The following PCDH10 variants were observed in gnomAD, a reference collection of about 807,000 sequenced individuals.
PCDH10 encodes protocadherin 10, also known as protocadherin-10.
PCDH10 carries 15 observed loss-of-function variants against 74.4 expected under a neutral mutation model. The observed-to-expected ratio is 0.20, with a 90% CI of 0.13 to 0.31. PCDH10 has a LOEUF of 0.31. PCDH10 is among the 10% of genes least tolerant of loss of function. PCDH10 has a pLI of 1.00. For synonymous variants in PCDH10, 619 were observed against 589.8 expected (o/e 1.05, Z -0.72); for missense variants, 1,260 against 1,390.2 (o/e 0.91, Z 1.49).
Position 133,151,414 on chromosome 4 carries a change from C to CG in PCDH10, c.1279dup (p.Asp427GlyfsTer21), listed in dbSNP as rs1726688694. On this transcript the variant is annotated frameshift_variant, in exon 1 of 5. Transcript: ENST00000264360. LOFTEE classifies it high-confidence loss of function. Reference sequence around the variant, plus strand: ...ACCGAAGCCCCCCTGGACCGAGAGGCGGGGGACTCCTACACCCTGACTGTA... The same window carrying CG: ...ACCGAAGCCCCCCTGGACCGAGAGGCGGGGGGACTCCTACACCCTGACTGTA... 1 of 1,614,054 alleles carries CG rather than the reference C, an allele frequency of 6.2e-7. No individual in the cohort carries two copies. The highest frequency in any genetic ancestry group is 8.5e-7 in the Non-Finnish European group (1 of 1,180,014).
At chr4:133,174,673 G>A (rs915024089) in intron 4 of PCDH10, among the ~76,000 whole-genome samples, 3 of 150,984 alleles carry the variant, frequency 2.0e-5, no homozygotes, top group African/African-American at 7.3e-5. Context: ...CAAAATGACT[G>A]GTATTAGACA....
At chr4:133,204,769 A>G (rs1455446976) in intron 2 of PCDH10, among the ~76,000 whole-genome samples, 2 of 152,100 alleles carry the variant, frequency 1.3e-5, no homozygotes, top group Non-Finnish European at 2.9e-5. Context: ...TTGGTGAGGG[A>G]GGGATTCCTG....
At chr4:133,196,404 G>A (rs1727795549), downstream of PCDH10, among the ~76,000 whole-genome samples, 1 of 152,112 alleles carries the variant, frequency 6.6e-6, no homozygotes, top group South Asian at 2.1e-4. Flanking sequence ...CTGGCTGGGG[G>A]CCACAAGACT....
rs1024797798 is a variant in PCDH10 at position 133,191,283 on chromosome 4, G to A, written c.*1123G>A. On this transcript the variant is annotated 3_prime_UTR_variant, in exon 5 of 5. Transcript: ENST00000264360. Reference sequence around the variant, plus strand: ...ACAGAATTTTATTTTACATAGTTTTGTGACTTAATTACACATGAATATAAA... The same window carrying A: ...ACAGAATTTTATTTTACATAGTTTTATGACTTAATTACACATGAATATAAA... The A allele has an allele frequency of 1.3e-5, 2 of 152,002 alleles. No individual in the cohort carries two copies. The highest frequency in any genetic ancestry group is 6.6e-5 in the Admixed American group (1 of 15,174). The allele number at this position is 152,002 out of a possible 1,614,324, so 9.4% of individuals were successfully genotyped here.
At chr4:133,165,157 T>C (rs1727052488) in intron 4 of PCDH10, among the ~76,000 whole-genome samples, 2 of 150,524 alleles carry the variant, frequency 1.3e-5, no homozygotes, top group Admixed American at 6.7e-5. Flanking sequence ...CCCTAATCTG[T>C]TTTAGCCAGT....
rs1727597244 is a variant in PCDH10 at position 133,188,842 on chromosome 4, AT to A, written c.3104-1295del. On this transcript the variant is annotated intron_variant, in intron 4 of 4. Coordinates refer to ENST00000264360, the MANE Select transcript of PCDH10 (RefSeq NM_032961.3). ...GCGCCCACCACCATGCCAGGCTAAT[AT>A]TTTGTACTTTTAGTAGAGACAGGTA... Among the ~76,000 whole-genome samples, 4 of 151,222 alleles carry A rather than the reference AT, an allele frequency of 2.6e-5. No homozygotes were observed. In the Admixed American group the frequency reaches 2.6e-4, roughly 10 times the overall value.
chr4:133,207,081 T>C (rs1728021654), intron 2 of PCDH10, among the ~76,000 whole-genome samples: 1 of 152,128 alleles, frequency 6.6e-6, no homozygotes, highest in African/African-American at 2.4e-5. Context: ...TTACTTTTTT[T>C]GTAATATCAT....
intron 4 of PCDH10, chr4:133,163,807 G>C (rs773309301): frequency 5.5e-5 from 21 of 380,652 alleles, no homozygotes; most frequent in Non-Finnish European, 9.6e-5. Flanking sequence ...TAGAACGAAA[G>C]ATGAGACAGA....
rs937490253 is a variant in PCDH10, at chr4:133,163,050, T to C, written c.2871T>C (p.Ser957=). 88 of 1,614,088 alleles carry C rather than the reference T, an allele frequency of 5.5e-5. No individual in the cohort carries two copies. The highest frequency in any genetic ancestry group is 7.4e-5 in the Non-Finnish European group (87 of 1,180,036). Reference sequence around the variant, plus strand: ...ACTCAGATCGGTGCTGGATGCCTTCTTTTGTCCCTTCTGATGGACGCCAGG... The same window carrying C: ...ACTCAGATCGGTGCTGGATGCCTTCCTTTGTCCCTTCTGATGGACGCCAGG... ...LGHSDRCWMP[S]FVPSDGRQAA... Residue 957 remains serine (S), a synonymous_variant, in exon 4 of 5, where the codon TCT becomes TCC. Coordinates refer to ENST00000264360, the MANE Select transcript of PCDH10 (RefSeq NM_032961.3).
intron 3 of PCDH10, 86 bp from the exon 4 acceptor site, chr4:133,162,891 C>A: frequency 8.7e-7 from 1 of 1,153,622 alleles, no homozygotes; most frequent in Non-Finnish European, 1.2e-6. Context: ...ACTTGTCACC[C>A]TTTATGCTAC....
At chr4:133,178,280 A>C (rs1041368122) in intron 4 of PCDH10, among the ~76,000 whole-genome samples, 1 of 151,580 alleles carries the variant, frequency 6.6e-6, no homozygotes, top group Non-Finnish European at 1.5e-5. Context: ...CTTGTTGCCC[A>C]GGCTAGAGTG....
At chr4:133,198,004 T>TGTGTGTGTGTGA (rs774649175), downstream of PCDH10, among the ~76,000 whole-genome samples, 1,032 of 147,884 alleles carry the variant, frequency 7.0e-3, 11 homozygotes, top group African/African-American at 0.021. Context: ...TGTGTGTGTG[T>TGTGTGTGTGTGA]GTGATTGGGA....
chr4:133,184,064 C>A (rs1195712307), intron 4 of PCDH10, among the ~76,000 whole-genome samples: 1 of 151,926 alleles, frequency 6.6e-6, no homozygotes, highest in Admixed American at 6.6e-5. Flanking sequence ...TAAATACCTG[C>A]CTTTACTATG....
chr4:133,181,429 T>C (rs1267232243), intron 4 of PCDH10, among the ~76,000 whole-genome samples: 1 of 152,124 alleles, frequency 6.6e-6, no homozygotes, highest in African/African-American at 2.4e-5. Flanking sequence ...TGGTAAGTAG[T>C]GTCATCTGTG....
rs1727414824 is a variant in PCDH10 at position 133,181,428 on chromosome 4, G to C, written c.3104-8713G>C. On this transcript the variant is annotated intron_variant, in intron 4 of 4. Coordinates refer to ENST00000264360, the MANE Select transcript of PCDH10 (RefSeq NM_032961.3). Reference sequence around the variant, plus strand: ...ATTTTTTTGACTTTAGTGGTAAGTAGTGTCATCTGTGCTATCATGAAGTAG... The same window carrying C: ...ATTTTTTTGACTTTAGTGGTAAGTACTGTCATCTGTGCTATCATGAAGTAG... 2.6e-5 allele frequency among the ~76,000 whole-genome samples: 4 copies of C among 152,102 alleles called. No individual in the cohort carries two copies. The South Asian group carries it at 8.3e-4, about 32-fold the overall frequency.
At position 133,193,606 on chromosome 4, in the gene PCDH10, A is replaced by C. The variant is rs1727726270; in HGVS notation, c.*3446A>C. The C allele has an allele frequency of 6.6e-6, 1 of 151,698 alleles. No individual in the cohort carries two copies. Among genetic ancestry groups the C allele is most frequent in the Non-Finnish European group, 1.5e-5 (1 of 67,672 alleles). 9.4% of individuals were successfully genotyped at this position (151,698 alleles called of 1,614,324 possible). A position where few individuals can be genotyped will look rare whatever the true frequency, so the allele number is the denominator to read the frequency against. On this transcript the variant is annotated 3_prime_UTR_variant, in exon 5 of 5. Coordinates refer to ENST00000264360, the MANE Select transcript of PCDH10 (RefSeq NM_032961.3). ...TAGTCTTTAAAACAATTACTCAGGC[A>C]GAGTGTGGCAAAAGTTCAGCAAGAT...
chr4:133,158,156 G>A (rs1354614419), intron 3 of PCDH10, among the ~76,000 whole-genome samples: 3 of 152,052 alleles, frequency 2.0e-5, no homozygotes, highest in Admixed American at 6.5e-5. Context: ...CAAAGAATTG[G>A]ACTTTAAAGA....
At chr4:133,196,994 T>G (rs945575964), downstream of PCDH10, among the ~76,000 whole-genome samples, 1 of 152,180 alleles carries the variant, frequency 6.6e-6, no homozygotes, top group Non-Finnish European at 1.5e-5. Flanking sequence ...GCAGTGCAAA[T>G]TTCAAAACCT....
chr4:133,199,545 A>T (rs1727860972), downstream of PCDH10, among the ~76,000 whole-genome samples: 1 of 149,968 alleles, frequency 6.7e-6, no homozygotes, highest in African/African-American at 2.4e-5. Flanking sequence ...TCAGCTGATG[A>T]AGGTGAGGGA....
Sources: gnomAD v4.1 joint callset for allele counts (sites outside exome capture counted in the v4.1 genomes callset) on GRCh38, gnomAD v4.1.1 for gene constraint, MANE v1.5 for transcripts, NCBI Gene and HGNC (gene_info 2026-07-23, HGNC 2026-07-21) for gene names.